Variants in DLGAP2 observed in about 807,000 individuals in gnomAD.
The protein encoded by DLGAP2 is DLG associated protein 2, also known as disks large-associated protein 2.
A neutral mutation model predicts 100.3 loss-of-function variants in DLGAP2; 26 were observed. That is an observed-to-expected ratio of 0.26 (90% CI 0.19 to 0.36). The LOEUF (loss-of-function observed/expected upper bound fraction) is 0.36, where lower values mean the gene tolerates loss of function less well. DLGAP2 is among the 10% of genes least tolerant of loss of function. The pLI, the probability that DLGAP2 is intolerant of heterozygous loss-of-function variation, is 1.00. For synonymous variants in DLGAP2, 886 were observed against 630.1 expected (o/e 1.41, Z -6.08); for missense variants, 1,858 against 1,453.2 (o/e 1.28, Z -4.53).
intron 12 of DLGAP2, among the ~76,000 whole-genome samples, chr8:1,684,186 T>C (rs1334455604): frequency 2.0e-5 from 3 of 151,380 alleles, no homozygotes; most frequent in African/African-American, 7.3e-5. Context: ...GCTATAAACT[T>C]TGAACACAAG....
At chr8:1,298,259 A>G (rs1800238680) in intron 3 of DLGAP2, among the ~76,000 whole-genome samples, 1 of 152,166 alleles carries the variant, frequency 6.6e-6, no homozygotes, top group Non-Finnish European at 1.5e-5. Context: ...TAAGTGATCA[A>G]GTAAAAGTCA....
chr8:1,448,994 G>C (rs144330427), intron 3 of DLGAP2, among the ~76,000 whole-genome samples: 1 of 152,198 alleles, frequency 6.6e-6, no homozygotes, highest in African/African-American at 2.4e-5. Context: ...AAAAGCTGAC[G>C]CATGTTCTGA....
Position 1,184,317 on chromosome 8 carries a change from A to T in DLGAP2, c.74-74534A>T, listed in dbSNP as rs545088199. Among the ~76,000 whole-genome samples the T allele has an allele frequency of 3.3e-5, 5 of 152,380 alleles. No homozygotes were observed. The South Asian group carries it at 1.0e-3, about 32-fold the overall frequency. On this transcript the variant is annotated intron_variant, in intron 2 of 14. Transcript: ENST00000637795. ...TTGGTGAAAGTGTACACAGGTGCTC[A>T]GTAGTGGGAGATGCGTCCGAAACGC... is the stretch of plus-strand genomic sequence containing the variant.
intron 1 of DLGAP2, among the ~76,000 whole-genome samples, chr8:856,197 T>C (rs965294664): frequency 1.0e-5 from 1 of 97,746 alleles, no homozygotes; most frequent in Non-Finnish European, 2.3e-5. Flanking sequence ...TTTTTTTTTT[T>C]TTTTTTTTGA....
intron 14 of DLGAP2, among the ~76,000 whole-genome samples, chr8:1,698,977 G>A (rs1014424303): frequency 6.6e-6 from 1 of 152,212 alleles, no homozygotes; most frequent in African/African-American, 2.4e-5. Context: ...AGCCATGCAT[G>A]GGACTAGGCA....
At chr8:952,085 T>G (rs889177476) in intron 2 of DLGAP2, among the ~76,000 whole-genome samples, 3 of 152,216 alleles carry the variant, frequency 2.0e-5, no homozygotes, top group African/African-American at 7.2e-5. Flanking sequence ...AGTTTTCTAG[T>G]TCCATTTTCT....
chr8:890,732 TG>T (rs1798017855), intron 1 of DLGAP2, among the ~76,000 whole-genome samples: 1 of 152,100 alleles, frequency 6.6e-6, no homozygotes, highest in South Asian at 2.1e-4. Flanking sequence ...CAGATCCCCT[TG>T]GCAGAGTGTG....
intron 3 of DLGAP2, among the ~76,000 whole-genome samples, chr8:1,430,192 C>A (rs575558656): frequency 6.6e-6 from 1 of 150,982 alleles, no homozygotes; most frequent in South Asian, 2.1e-4. Context: ...TGCAAAAATA[C>A]TTTAATCCCT....
chr8:1,270,134 A>G (rs1018826677), intron 3 of DLGAP2, among the ~76,000 whole-genome samples: 1 of 152,034 alleles, frequency 6.6e-6, no homozygotes, highest in Non-Finnish European at 1.5e-5. Flanking sequence ...GGTTGCTTTG[A>G]TTTTTAAAAA....
intron 3 of DLGAP2, among the ~76,000 whole-genome samples, chr8:1,293,205 C>T (rs1342746847): frequency 1.3e-5 from 2 of 152,186 alleles, no homozygotes; most frequent in East Asian, 3.9e-4. Context: ...GTCTTTTTGT[C>T]TCTGTCTCCC....
intron 8 of DLGAP2, among the ~76,000 whole-genome samples, chr8:1,659,907 C>T (rs1017342207): frequency 2.0e-5 from 3 of 152,012 alleles, no homozygotes; most frequent in African/African-American, 7.3e-5. Context: ...GGTTATTTTG[C>T]CCGTTAGTTG....
chr8:1,310,573 A>G (rs974259725), intron 3 of DLGAP2, among the ~76,000 whole-genome samples: 3 of 152,248 alleles, frequency 2.0e-5, no homozygotes, highest in Non-Finnish European at 4.4e-5. Flanking sequence ...AACATTCTCC[A>G]CAGTAGGCCA....
chr8:1,332,349 G>T (rs887666600), intron 3 of DLGAP2, among the ~76,000 whole-genome samples: 3 of 152,076 alleles, frequency 2.0e-5, no homozygotes, highest in Non-Finnish European at 4.4e-5. Flanking sequence ...TATTGTGTGT[G>T]TGTATACATC....
intron 3 of DLGAP2, among the ~76,000 whole-genome samples, chr8:1,380,811 T>C (rs1796074530): frequency 6.6e-6 from 1 of 151,750 alleles, no homozygotes; most frequent in African/African-American, 2.4e-5. Context: ...CAATACCTTA[T>C]CTTATTAAAT....
chr8:1,424,407 G>A (rs991948529), intron 3 of DLGAP2, among the ~76,000 whole-genome samples: 1 of 152,202 alleles, frequency 6.6e-6, no homozygotes, highest in African/African-American at 2.4e-5. Flanking sequence ...ATTGGCATAT[G>A]GGGTGGTTGT....
intron 8 of DLGAP2, among the ~76,000 whole-genome samples, chr8:1,659,444 T>C (rs1017238969): frequency 6.6e-6 from 1 of 152,238 alleles, no homozygotes; most frequent in Non-Finnish European, 1.5e-5. Flanking sequence ...CAGTGGGATG[T>C]TAAAGTCTCC....
intron 8 of DLGAP2, among the ~76,000 whole-genome samples, chr8:1,644,667 ATTTAAAATGTACTTATCT>A (rs891576385): frequency 3.9e-5 from 6 of 152,244 alleles, no homozygotes; most frequent in Non-Finnish European, 8.8e-5. Context: ...CTCGATGTAC[ATTTAAAATGTACTTATCT>A]TTTAAAGACA....
intron 8 of DLGAP2, among the ~76,000 whole-genome samples, chr8:1,641,976 G>A (rs2472089): frequency 0.027 from 1,361 of 49,594 alleles, 11 homozygotes; most frequent in East Asian, 0.039. Context: ...CGACCCCGCC[G>A]GTCCCCACCT....
At chr8:831,435 A>C (rs1171848794) in intron 1 of DLGAP2, among the ~76,000 whole-genome samples, 9 of 151,948 alleles carry the variant, frequency 5.9e-5, no homozygotes, top group African/African-American at 2.2e-4. Flanking sequence ...CTCATTGTTC[A>C]ATTCCTACCT....
Sources: gnomAD v4.1 joint callset for allele counts (sites outside exome capture counted in the v4.1 genomes callset) on GRCh38, gnomAD v4.1.1 for gene constraint, MANE v1.5 for transcripts, NCBI Gene and HGNC (gene_info 2026-07-23, HGNC 2026-07-21) for gene names.